The following CREM variants were observed in gnomAD, a reference collection of about 807,000 sequenced individuals.
CREM encodes cAMP responsive element modulator.
CREM carries 13 observed loss-of-function variants against 37.3 expected under a neutral mutation model. The ratio of observed to expected loss-of-function variants is 0.35; its 90% CI spans 0.23 to 0.55. The LOEUF is 0.55. CREM is among the 20% of genes least tolerant of loss of function. The probability of loss-of-function intolerance (pLI) is 0.88; values close to 1 mark genes in which losing one functional copy is unlikely to be tolerated. For synonymous variants in CREM, 124 were observed against 120.2 expected (o/e 1.03, Z -0.21); for missense variants, 296 against 362.3 (o/e 0.82, Z 1.49).
chr10:35,131,453 A>G (rs1229042531), intron 1 of CREM, among the ~76,000 whole-genome samples: 1 of 152,086 alleles, frequency 6.6e-6, no homozygotes, highest in Non-Finnish European at 1.5e-5. Context: ...AGCACAAAAA[A>G]TGATTTTTTT....
intron 3 of CREM, chr10:35,152,196 C>T (rs1295708352): frequency 2.0e-5 from 3 of 152,248 alleles, no homozygotes; most frequent in South Asian, 2.1e-4. Flanking sequence ...GAACAAAAGG[C>T]GTAAGCAGAA....
intron 6 of CREM, among the ~76,000 whole-genome samples, chr10:35,189,395 C>T (rs1431206900): frequency 6.6e-6 from 1 of 152,164 alleles, no homozygotes; most frequent in Non-Finnish European, 1.5e-5. Flanking sequence ...TTTAATACAG[C>T]TTTCAAAACT....
intron 3 of CREM, among the ~76,000 whole-genome samples, chr10:35,151,297 G>A (rs1012152876): frequency 6.6e-6 from 1 of 152,084 alleles, no homozygotes; most frequent in Non-Finnish European, 1.5e-5. Context: ...GTAAATTCTT[G>A]GAGTTTTGCT....
chr10:35,211,220 G>C lies in CREM; in HGVS notation c.756-34G>C, dbSNP rs367740959. 14 of 1,604,240 alleles carry C rather than the reference G, an allele frequency of 8.7e-6. No individual in the cohort carries two copies. The African/African-American group carries it at 1.9e-4, about 21-fold the overall frequency. On this transcript the variant is annotated intron_variant, in intron 7 of 7. Coordinates refer to ENST00000685392, the MANE Select transcript of CREM (RefSeq NM_183011.2). The stretch of plus-strand genomic sequence containing the variant: ...CCACTGTGGATTGTGTTGGAAGGCT[G>C]TTCCTGTAGTCATTTGCCTTGTGTT...
At chr10:35,193,111 T>C (rs2094989951) in intron 6 of CREM, among the ~76,000 whole-genome samples, 1 of 152,212 alleles carries the variant, frequency 6.6e-6, no homozygotes, top group Non-Finnish European at 1.5e-5. Context: ...TGTACTTCCT[T>C]AGGCACATAT....
intron 7 of CREM, among the ~76,000 whole-genome samples, chr10:35,208,304 C>T (rs2095584082): frequency 6.6e-6 from 1 of 152,156 alleles, no homozygotes; most frequent in South Asian, 2.1e-4. Flanking sequence ...TTTTCTCTCA[C>T]TTTTTCTTGC....
At chr10:35,144,784 C>A (rs2091872327) in intron 2 of CREM, among the ~76,000 whole-genome samples, 1 of 150,124 alleles carries the variant, frequency 6.7e-6, no homozygotes, top group South Asian at 2.1e-4. Context: ...ACAGTGTGTA[C>A]CCCTCTGTCC....
intron 2 of CREM, among the ~76,000 whole-genome samples, chr10:35,142,095 G>A (rs950196365): frequency 4.9e-4 from 75 of 152,186 alleles, no homozygotes; most frequent in African/African-American, 1.7e-3. Context: ...GGGATGTGAA[G>A]TAACGGAGAT....
In CREM at chr10:35,188,280, A is replaced by G. The variant is rs774297650; in HGVS notation, c.490A>G (p.Thr164Ala). ...TCAGGGACTGCAGGCATTAACAATGACAAATTCAGGAGCTCCTCCACCAGG... is the reference window on the plus strand; with the variant it reads ...TCAGGGACTGCAGGCATTAACAATGGCAAATTCAGGAGCTCCTCCACCAGG... ...GVQGLQALTM[T>A]NSGAPPPGAT... Residue 164 changes from threonine (T) to alanine (A), a missense_variant, in exon 6 of 8, where the codon ACA becomes GCA. Coordinates refer to ENST00000685392, the MANE Select transcript of CREM (RefSeq NM_183011.2). 2.5e-6 allele frequency: 4 copies of G among 1,614,102 alleles called. No individual in the cohort carries two copies. In the African/African-American group the frequency reaches 4.0e-5, roughly 16 times the overall value.
chr10:35,135,988 C>T (rs954844197), intron 1 of CREM, among the ~76,000 whole-genome samples: 1 of 152,056 alleles, frequency 6.6e-6, no homozygotes, highest in African/African-American at 2.4e-5. Context: ...CTCTGATCAT[C>T]CTGAGTCAGG....
chr10:35,200,996 G>GTT (rs34842917), intron 6 of CREM, among the ~76,000 whole-genome samples: 2 of 149,446 alleles, frequency 1.3e-5, no homozygotes, highest in African/African-American at 2.5e-5. Flanking sequence ...TCACTTGTGG[G>GTT]TTTTTTTTTC....
At chr10:35,194,891 C>T (rs2095082954) in intron 6 of CREM, among the ~76,000 whole-genome samples, 1 of 147,008 alleles carries the variant, frequency 6.8e-6, no homozygotes, top group Non-Finnish European at 1.5e-5. Context: ...ACTTTTAATG[C>T]TAAAAGAGAC....
chr10:35,206,642 TA>T (rs2095531306), intron 6 of CREM, among the ~76,000 whole-genome samples: 1 of 152,214 alleles, frequency 6.6e-6, no homozygotes, highest in Admixed American at 6.5e-5. Context: ...TTGCCTTTGA[TA>T]AAAACCTGTC....
chr10:35,187,644 C>A (rs1218114239), intron 5 of CREM, among the ~76,000 whole-genome samples: 2 of 151,978 alleles, frequency 1.3e-5, no homozygotes, highest in African/African-American at 4.8e-5. Flanking sequence ...ATTTTAATTG[C>A]AATATTAAAT....
chr10:35,182,132 AAC>A (rs1332405976), intron 5 of CREM, among the ~76,000 whole-genome samples: 1 of 152,248 alleles, frequency 6.6e-6, no homozygotes, highest in African/African-American at 2.4e-5. Flanking sequence ...AGTGAATACT[AAC>A]AACATTCAAA....
intron 3 of CREM, among the ~76,000 whole-genome samples, chr10:35,157,514 A>T (rs1450720523): frequency 1.3e-5 from 2 of 151,844 alleles, no homozygotes; most frequent in African/African-American, 4.8e-5. Flanking sequence ...ACACACCTGT[A>T]AGTCCCAGCT....
chr10:35,209,211 C>A, intron 7 of CREM: 1 of 663,312 alleles, frequency 1.5e-6, no homozygotes, highest in Non-Finnish European at 1.9e-6. Flanking sequence ...ACAGATAGAT[C>A]TCTTACATAT....
intron 5 of CREM, among the ~76,000 whole-genome samples, chr10:35,180,602 G>A (rs1453500076): frequency 6.6e-6 from 1 of 152,220 alleles, no homozygotes; most frequent in African/African-American, 2.4e-5. Flanking sequence ...CAAAGTCAGT[G>A]TTAGGAAAAG....
intron 6 of CREM, among the ~76,000 whole-genome samples, chr10:35,196,865 CTTTTTTTTT>C (rs58503822): frequency 9.2e-6 from 1 of 108,942 alleles, no homozygotes; most frequent in Non-Finnish European, 1.8e-5. Context: ...ACGCTGTGTA[CTTTTTTTTT>C]TTTTTTTTTT....
Sources: allele counts gnomAD v4.1 joint callset (sites outside exome capture counted in the v4.1 genomes callset), GRCh38; gene constraint gnomAD v4.1.1; transcripts MANE v1.5; gene names NCBI Gene and HGNC (gene_info 2026-07-23, HGNC 2026-07-21).